MEAK7: variants seen among roughly 807,000 people sequenced by gnomAD.
MEAK7 encodes the protein MTOR-associated protein MEAK7.
In MEAK7, 68 loss-of-function variants were observed where a neutral mutation model predicts 40.5. The observed-to-expected ratio is 1.68, with a 90% CI of 1.38 to 2.06. The LOEUF is 2.06. Ranked by LOEUF, MEAK7 falls within the 30% of genes most tolerant of loss-of-function variation. The pLI is 0.00. For missense variants in MEAK7, 918 were observed against 580.5 expected (o/e 1.58, Z -5.98); for synonymous variants, 338 against 231.9 (o/e 1.46, Z -4.16).
At chr16:84,504,554 C>G in intron 1 of MEAK7, 47 bp downstream of exon 1, 1 of 978,500 alleles carries the variant, frequency 1.0e-6, no homozygotes, top group Non-Finnish European at 1.2e-6. Flanking sequence ...TCAGCTGGGC[C>G]TGCGCCTCTG....
chr16:84,482,129 T>C (rs1468127128), intron 6 of MEAK7, among the ~76,000 whole-genome samples: 7 of 151,762 alleles, frequency 4.6e-5, no homozygotes, highest in African/African-American at 1.7e-4. Context: ...TCCTGTGCCA[T>C]GTCACCAAGC....
chr16:84,495,350 T>C (rs1913950582), intron 3 of MEAK7, among the ~76,000 whole-genome samples: 1 of 152,200 alleles, frequency 6.6e-6, no homozygotes, highest in South Asian at 2.1e-4. Flanking sequence ...ATTTACTGAG[T>C]GCAAGACAAA....
rs977977990 is a variant in MEAK7, at chr16:84,484,622, C to T, written c.959-1912G>A. 2.6e-5 allele frequency among the ~76,000 whole-genome samples: 4 copies of T among 152,282 alleles called. No individual in the cohort carries two copies. In the East Asian group the frequency reaches 5.8e-4, roughly 22 times the overall value. On this transcript the variant is annotated intron_variant, in intron 5 of 7. Coordinates refer to ENST00000343629, the MANE Select transcript of MEAK7 (RefSeq NM_020947.4). ...AAAGGTTTACGAAGCCACATTACCC[C>T]GCAGGGAAATATCCTCTGTACTCAA...
chr16:84,498,181 T>A (rs1306649903), intron 1 of MEAK7, 70 bp from the exon 2 acceptor site: 1 of 1,502,022 alleles, frequency 6.7e-7, no homozygotes. Flanking sequence ...ATGTTGAGAA[T>A]TATATGGTCA....
intron 3 of MEAK7, among the ~76,000 whole-genome samples, chr16:84,490,802 T>TCTCCTTCCTCTTGCTACC (rs1913531596): frequency 1.3e-5 from 2 of 152,120 alleles, no homozygotes; most frequent in African/African-American, 4.8e-5. Flanking sequence ...CATTTGCTTC[T>TCTCCTTCCTCTTGCTACC]GCGTGTCTCT....
intron 2 of MEAK7, chr16:84,497,050 TTTTG>T (rs201838723): frequency 2.0e-3 from 331 of 165,130 alleles, no homozygotes; most frequent in East Asian, 0.011. Context: ...TTTTTTGGTT[TTTTG>T]TTTGTTTGTT....
At chr16:84,484,149 T>C (rs991438231) in intron 5 of MEAK7, among the ~76,000 whole-genome samples, 3 of 152,176 alleles carry the variant, frequency 2.0e-5, no homozygotes, top group East Asian at 1.9e-4. Flanking sequence ...AGTTCAGGCC[T>C]CAGCTGCGAT....
Position 84,495,607 on chromosome 16 carries a change from T to G in MEAK7, c.384+76A>C, listed in dbSNP as rs1004573499. 15 of 1,402,942 alleles carry G rather than the reference T, an allele frequency of 1.1e-5. No individual in the cohort carries two copies. The African/African-American group carries it at 2.0e-4, about 19-fold the overall frequency. 86.9% of individuals were successfully genotyped at this position (1,402,942 alleles called of 1,614,324 possible). ...TTGGTTTACTCCTCCATGTGCCATG[T>G]AACTGGCCTCCATCCCCCCACCGAT... is the stretch of plus-strand genomic sequence containing the variant. On this transcript the variant is annotated intron_variant, in intron 3 of 7. Coordinates refer to ENST00000343629, the MANE Select transcript of MEAK7 (RefSeq NM_020947.4).
At chr16:84,485,485 G>A (rs1449454565) in intron 5 of MEAK7, among the ~76,000 whole-genome samples, 1 of 152,186 alleles carries the variant, frequency 6.6e-6, no homozygotes, top group East Asian at 1.9e-4. Flanking sequence ...CCTCTGCCTG[G>A]TGGAGAAATG....
At chr16:84,485,153 G>C (rs990918859) in intron 5 of MEAK7, among the ~76,000 whole-genome samples, 1 of 152,220 alleles carries the variant, frequency 6.6e-6, no homozygotes, top group Admixed American at 6.5e-5. Flanking sequence ...GGCAAGGTGG[G>C]TGTGCAGAAG....
chr16:84,498,133 C>A (rs772071695), intron 1 of MEAK7, 22 bp from the exon 2 acceptor site: 1 of 1,536,494 alleles, frequency 6.5e-7, no homozygotes, highest in Non-Finnish European at 8.7e-7. Flanking sequence ...AAAGACACAA[C>A]ATTAGAAAAA....
chr16:84,486,780 A>G lies in MEAK7; in HGVS notation c.809T>C (p.Phe270Ser), dbSNP rs1450217093. The G allele has an allele frequency of 6.2e-7, 1 of 1,614,028 alleles. No homozygotes were observed. Among genetic ancestry groups the G allele is most frequent in the South Asian group, 1.1e-5 (1 of 91,078 alleles). ...REQRHRWCLL[F>S]SSELHGHSFS... is the part of the protein sequence containing the mutation. Reference sequence around the variant, plus strand: ...GCTGTGTCCATGGAGCTCAGACGAAAAGAGCAGGCACCAGCGGTGCCGCTG... The same window carrying G: ...GCTGTGTCCATGGAGCTCAGACGAAGAGAGCAGGCACCAGCGGTGCCGCTG... The change falls in exon 5 of 8, where the codon TTT (phenylalanine) becomes TCT (serine). Residue 270 changes from phenylalanine (F) to serine (S), a missense_variant. Physicochemically the swap from Phe to Ser is radical, Grantham distance 155. Coordinates refer to ENST00000343629, the MANE Select transcript of MEAK7 (RefSeq NM_020947.4).
intron 5 of MEAK7, among the ~76,000 whole-genome samples, chr16:84,483,844 G>C (rs970727746): frequency 1.3e-5 from 2 of 152,184 alleles, no homozygotes; most frequent in African/African-American, 4.8e-5. Flanking sequence ...GGACAGGTAC[G>C]GAACAGTGGG....
chr16:84,482,612 G>C lies in MEAK7; in HGVS notation c.1057C>G (p.Gln353Glu). 6.2e-7 allele frequency: 1 copy of C among 1,614,220 alleles called. No homozygotes were observed. The highest frequency in any genetic ancestry group is 8.5e-7 in the Non-Finnish European group (1 of 1,180,036). ...CTCACCAGTCCGTTCGGGATCGTCT[G>C]CTGTCCATGGTTCAAGTACATGTAG... ...DHYMYLNHGQ[Q>E]TIPNGLGMGG... Residue 353 changes from glutamine to glutamate, a missense_variant, in exon 6 of 8, where the codon CAG becomes GAG. Gln to Glu is a conservative substitution (Grantham distance 29). Coordinates refer to ENST00000343629, the MANE Select transcript of MEAK7 (RefSeq NM_020947.4).
intron 4 of MEAK7, 114 bp downstream of exon 4, chr16:84,489,164 T>C: frequency 7.4e-7 from 1 of 1,343,988 alleles, no homozygotes; most frequent in Non-Finnish European, 9.8e-7. Flanking sequence ...TAGAAGAAGG[T>C]TCGAGGGCTC....
chr16:84,494,528 T>G (rs1567501060), intron 3 of MEAK7, among the ~76,000 whole-genome samples: 1 of 152,190 alleles, frequency 6.6e-6, no homozygotes, highest in Non-Finnish European at 1.5e-5. Context: ...CAACTTAAAC[T>G]CTGGAGTAAC....
chr16:84,503,098 G>C (rs776472113), intron 1 of MEAK7, among the ~76,000 whole-genome samples: 4 of 152,158 alleles, frequency 2.6e-5, no homozygotes, highest in Non-Finnish European at 5.9e-5. Flanking sequence ...GCTTAGGTTA[G>C]GGATATCCAA....
chr16:84,490,376 A>G (rs572998761), intron 3 of MEAK7, among the ~76,000 whole-genome samples: 2 of 147,872 alleles, frequency 1.4e-5, no homozygotes, highest in Non-Finnish European at 3.0e-5. Context: ...TTTACTAGCC[A>G]GGCCCAAACT....
At chr16:84,501,026 C>G (rs565930953) in intron 1 of MEAK7, among the ~76,000 whole-genome samples, 1 of 142,944 alleles carries the variant, frequency 7.0e-6, no homozygotes, top group East Asian at 2.0e-4. Context: ...ACACGGACAG[C>G]GGAAGTCGCA....
Sources: allele counts gnomAD v4.1 joint callset (sites outside exome capture counted in the v4.1 genomes callset), GRCh38; gene constraint gnomAD v4.1.1; transcripts MANE v1.5; gene names NCBI Gene and HGNC (gene_info 2026-07-23, HGNC 2026-07-21).